The following CHCHD6 variants were observed in gnomAD, a reference collection of about 807,000 sequenced individuals.
CHCHD6 encodes MICOS complex subunit MIC25.
CHCHD6 carries 28 observed loss-of-function variants against 32.3 expected under a neutral mutation model. The observed-to-expected ratio is 0.87, with a 90% CI of 0.64 to 1.19. The LOEUF (loss-of-function observed/expected upper bound fraction) is 1.19, where lower values mean the gene tolerates loss of function less well. Ranked by LOEUF, CHCHD6 falls within the 50% of genes most tolerant of loss-of-function variation. The pLI is 0.00. For synonymous variants in CHCHD6, 122 were observed against 117.5 expected, an observed-to-expected ratio of 1.04 and a Z score of -0.25; for missense variants, 333 against 307.0, an observed-to-expected ratio of 1.08 and a Z score of -0.63.
chr3:126,801,724 C>G (rs997314238), intron 4 of CHCHD6, among the ~76,000 whole-genome samples: 1 of 152,124 alleles, frequency 6.6e-6, no homozygotes, highest in African/African-American at 2.4e-5. Context: ...TCTCCCAGCA[C>G]GCAGCTGGAG....
intron 4 of CHCHD6, among the ~76,000 whole-genome samples, chr3:126,842,024 G>A (rs991909167): frequency 1.3e-5 from 2 of 152,132 alleles, no homozygotes; most frequent in African/African-American, 4.8e-5. Flanking sequence ...CTAGGTGGGA[G>A]GATGGCTTGA....
At chr3:126,731,344 G>T (rs1210676512) in intron 3 of CHCHD6, among the ~76,000 whole-genome samples, 1 of 152,026 alleles carries the variant, frequency 6.6e-6, no homozygotes, top group Non-Finnish European at 1.5e-5. Context: ...GCTTCCTGTC[G>T]CCGGAGAAGT....
At chr3:126,718,304 A>G (rs764661111) in intron 1 of CHCHD6, among the ~76,000 whole-genome samples, 1 of 152,248 alleles carries the variant, frequency 6.6e-6, no homozygotes, top group East Asian at 1.9e-4. Context: ...ATATTTGTGT[A>G]GCACTTTGCA....
chr3:126,957,401 T>C lies in CHCHD6; in HGVS notation c.567-15T>C, dbSNP rs752972973. 32 of 1,607,812 alleles carry C rather than the reference T, an allele frequency of 2.0e-5. No homozygotes were observed. Among genetic ancestry groups the C allele is most frequent in the Middle Eastern group, 3.8e-4 (2 of 5,278 alleles). On this transcript the variant is annotated splice_polypyrimidine_tract_variant and intron_variant, in intron 6 of 7. Transcript: ENST00000290913. Reference sequence around the variant, plus strand: ...GCACCTGAGCCCCAGGCCTGCCTGCTCTTGTCTTCTGCAGGCCCCGCAGGG... The same window carrying C: ...GCACCTGAGCCCCAGGCCTGCCTGCCCTTGTCTTCTGCAGGCCCCGCAGGG...
chr3:126,710,336 T>C (rs1335753356), intron 1 of CHCHD6, among the ~76,000 whole-genome samples: 2 of 152,238 alleles, frequency 1.3e-5, no homozygotes, highest in African/African-American at 4.8e-5. Context: ...GCTGTCATGC[T>C]GATTATTGTG....
At chr3:126,882,780 A>G (rs528773668) in intron 5 of CHCHD6, among the ~76,000 whole-genome samples, 112 of 152,352 alleles carry the variant, frequency 7.4e-4, no homozygotes, top group African/African-American at 2.6e-3. Flanking sequence ...GGAAGCCCAC[A>G]TGTGATACTG....
At chr3:126,765,952 T>C (rs779174878) in intron 4 of CHCHD6, among the ~76,000 whole-genome samples, 6 of 152,164 alleles carry the variant, frequency 3.9e-5, no homozygotes, top group Non-Finnish European at 8.8e-5. Context: ...TTCCAAAGCA[T>C]GTGAGCGTGG....
At chr3:126,824,687 A>G (rs182135172) in intron 4 of CHCHD6, among the ~76,000 whole-genome samples, 3 of 151,656 alleles carry the variant, frequency 2.0e-5, no homozygotes, top group East Asian at 2.0e-4. Context: ...TACAGGTTCA[A>G]TTGATTCTCC....
At chr3:126,885,107 A>G (rs1317688218) in intron 5 of CHCHD6, among the ~76,000 whole-genome samples, 3 of 152,214 alleles carry the variant, frequency 2.0e-5, no homozygotes, top group Non-Finnish European at 4.4e-5. Context: ...TCCCAGGCCC[A>G]GTGCTGTGCC....
At chr3:126,729,335 A>G (rs1935676446) in intron 2 of CHCHD6, among the ~76,000 whole-genome samples, 1 of 152,214 alleles carries the variant, frequency 6.6e-6, no homozygotes. Flanking sequence ...TCTCCACGTC[A>G]CTAATACTGA....
chr3:126,759,953 A>G (rs2107671843), intron 4 of CHCHD6, among the ~76,000 whole-genome samples: 1 of 152,192 alleles, frequency 6.6e-6, no homozygotes, highest in African/African-American at 2.4e-5. Context: ...TCATGGTGGG[A>G]AGGCAAAGGG....
rs915925883 is a variant in CHCHD6, at chr3:126,788,708, C to T, written c.411+55486C>T. 2.6e-5 allele frequency among the ~76,000 whole-genome samples: 4 copies of T among 151,842 alleles called. No homozygotes were observed. The East Asian group carries it at 5.8e-4, about 22-fold the overall frequency. ...ATTTTTTTATTGCATCTATTTGATTCTTCTCTCTTCTTCATTAGCCTTGCT... is the reference window on the plus strand; with the variant it reads ...ATTTTTTTATTGCATCTATTTGATTTTTCTCTCTTCTTCATTAGCCTTGCT... On this transcript the variant is annotated intron_variant, in intron 4 of 7. Transcript: ENST00000290913.
intron 6 of CHCHD6, among the ~76,000 whole-genome samples, chr3:126,935,938 T>C (rs965204295): frequency 6.6e-6 from 1 of 152,228 alleles, no homozygotes; most frequent in Non-Finnish European, 1.5e-5. Flanking sequence ...CAGCTTCTGC[T>C]TTTGCTTGGG....
chr3:126,807,212 T>C (rs1289198024), intron 4 of CHCHD6, among the ~76,000 whole-genome samples: 1 of 150,158 alleles, frequency 6.7e-6, no homozygotes, highest in South Asian at 2.1e-4. Context: ...AAAAAAATTG[T>C]GAGACCAAAA....
At chr3:126,852,819 T>G in intron 5 of CHCHD6, 89 bp downstream of exon 5, 1 of 884,478 alleles carries the variant, frequency 1.1e-6, no homozygotes, top group South Asian at 1.4e-5. Flanking sequence ...GAGAGAGGAG[T>G]CCGCAGACCC....
intron 1 of CHCHD6, among the ~76,000 whole-genome samples, chr3:126,705,813 A>T (rs942571913): frequency 3.3e-5 from 5 of 152,110 alleles, no homozygotes; most frequent in Non-Finnish European, 5.9e-5. Flanking sequence ...TTTGAGCCTC[A>T]ATGGCCACAT....
intron 4 of CHCHD6, among the ~76,000 whole-genome samples, chr3:126,756,028 G>A (rs1223137140): frequency 6.6e-6 from 1 of 152,188 alleles, no homozygotes; most frequent in Non-Finnish European, 1.5e-5. Context: ...GGGCCGTGCA[G>A]TGGGTCTGTG....
intron 4 of CHCHD6, 90 bp downstream of exon 4, chr3:126,733,312 G>A: frequency 7.8e-7 from 1 of 1,274,144 alleles, no homozygotes; most frequent in Non-Finnish European, 1.1e-6. Flanking sequence ...TTAGTCTGAA[G>A]CCCTGCTGGC....
At chr3:126,801,899 G>A (rs937679879) in intron 4 of CHCHD6, among the ~76,000 whole-genome samples, 4 of 152,292 alleles carry the variant, frequency 2.6e-5, no homozygotes, top group South Asian at 4.2e-4. Flanking sequence ...CAGCATTCGC[G>A]GTTCATGAAA....
Sources: allele counts gnomAD v4.1 joint callset (sites outside exome capture counted in the v4.1 genomes callset), GRCh38; gene constraint gnomAD v4.1.1; transcripts MANE v1.5; gene names NCBI Gene and HGNC (gene_info 2026-07-23, HGNC 2026-07-21).